The following MYO10 variants were observed in gnomAD, a reference collection of about 807,000 sequenced individuals.
MYO10 encodes the protein myosin X.
In MYO10, 133 loss-of-function variants were observed where a neutral mutation model predicts 257.3. The observed-to-expected ratio is 0.52, with a 90% CI of 0.45 to 0.60. The LOEUF is 0.60. MYO10 is among the 20% of genes least tolerant of loss of function. MYO10 has a pLI of 0.00. For synonymous variants in MYO10, 1,104 were observed against 1,028.6 expected, an observed-to-expected ratio of 1.07 and a Z score of -1.40; for missense variants, 2,399 against 2,635.7, an observed-to-expected ratio of 0.91 and a Z score of 1.97.
chr5:16,824,901 C>T (rs1407598973), intron 2 of MYO10, among the ~76,000 whole-genome samples: 1 of 151,980 alleles, frequency 6.6e-6, no homozygotes, highest in Non-Finnish European at 1.5e-5. Context: ...AAAAAACTTT[C>T]AAAAACAATC....
chr5:16,886,794 T>C (rs946472213), intron 1 of MYO10, among the ~76,000 whole-genome samples: 3 of 152,012 alleles, frequency 2.0e-5, no homozygotes, highest in Admixed American at 1.3e-4. Context: ...TAGCTGGATG[T>C]GGTGGCACGG....
chr5:16,788,297 A>T (rs2126675676), intron 4 of MYO10, among the ~76,000 whole-genome samples: 1 of 151,756 alleles, frequency 6.6e-6, no homozygotes, highest in Non-Finnish European at 1.5e-5. Flanking sequence ...ATCAGGGATG[A>T]CTCCTGGGGC....
rs1449526262 is a variant in MYO10 at position 16,877,610 on chromosome 5, T to G, written c.119A>C (p.Gln40Pro). ...GAAGCTGCAGGGACTTGTTCTCACC[T>G]GACCATAGTCTGTCCGGAAGACGAC... ...GIVVFRTDYG[Q>P]VFTYKQSTIT... is the part of the protein sequence containing the mutation. The change falls in exon 2 of 41, where the codon CAG (glutamine) becomes CCG (proline). Residue 40 changes from glutamine (Q) to proline (P), a missense_variant and splice_region_variant. Coordinates refer to ENST00000513610, the MANE Select transcript of MYO10 (RefSeq NM_012334.3). 6.2e-7 allele frequency: 1 copy of G among 1,611,272 alleles called. No homozygotes were observed. The highest frequency in any genetic ancestry group is 2.2e-5 in the East Asian group (1 of 44,880).
intron 19 of MYO10, among the ~76,000 whole-genome samples, chr5:16,726,659 C>T (rs1329880103): frequency 2.0e-5 from 3 of 152,144 alleles, no homozygotes; most frequent in Admixed American, 6.5e-5. Flanking sequence ...GTAGTTCCAA[C>T]GTATTCATTA....
intron 2 of MYO10, among the ~76,000 whole-genome samples, chr5:16,829,636 G>A (rs558621260): frequency 2.2e-4 from 34 of 152,280 alleles, no homozygotes; most frequent in African/African-American, 7.5e-4. Flanking sequence ...TGACAGCGCC[G>A]CAGGGCTGCA....
Position 16,769,332 on chromosome 5 carries a change from C to A in MYO10, c.931-129G>T, listed in dbSNP as rs1033180497. The A allele has an allele frequency of 9.7e-6, 10 of 1,035,898 alleles. No homozygotes were observed. In the African/African-American group the frequency reaches 1.3e-4, roughly 14 times the overall value. The allele number at this position is 1,035,898 out of a possible 1,614,324, so 64.2% of individuals were successfully genotyped here. On this transcript the variant is annotated intron_variant, in intron 9 of 40. Transcript: ENST00000513610. Reference sequence around the variant, plus strand: ...AAAGAAACAAAAAATAGATGCATAACCACTCACTTGTTTTTTTGTTTTGAG... The same window carrying A: ...AAAGAAACAAAAAATAGATGCATAAACACTCACTTGTTTTTTTGTTTTGAG...
chr5:16,761,275 G>C (rs1393090538), intron 17 of MYO10, among the ~76,000 whole-genome samples, 189 bp downstream of exon 17: 1 of 152,188 alleles, frequency 6.6e-6, no homozygotes, highest in Non-Finnish European at 1.5e-5. Flanking sequence ...ACAGGCGTGA[G>C]CCACCATGCC....
At chr5:16,724,809 AC>A (rs1739290659) in intron 19 of MYO10, among the ~76,000 whole-genome samples, 1 of 152,204 alleles carries the variant, frequency 6.6e-6, no homozygotes, top group Non-Finnish European at 1.5e-5. Context: ...ACATACATAT[AC>A]AAAAAAGCAT....
At chr5:16,735,603 G>A (rs1051295470) in intron 19 of MYO10, among the ~76,000 whole-genome samples, 2 of 151,596 alleles carry the variant, frequency 1.3e-5, no homozygotes, top group Non-Finnish European at 2.9e-5. Flanking sequence ...CTACATGGGA[G>A]GACTGTTTGA....
chr5:16,699,811 A>G (rs1395622207), intron 25 of MYO10, among the ~76,000 whole-genome samples: 4 of 140,492 alleles, frequency 2.8e-5, no homozygotes, highest in Admixed American at 6.9e-5. Context: ...AAAAAAAGGG[A>G]AAAGGAAAAA....
At chr5:16,924,830 CT>C (rs35010705) in intron 1 of MYO10, among the ~76,000 whole-genome samples, 74 of 124,352 alleles carry the variant, frequency 6.0e-4, no homozygotes, top group Middle Eastern at 4.5e-3. Flanking sequence ...CACTTTATCA[CT>C]TTTTTTTTTT....
Position 16,719,761 on chromosome 5 carries a change from C to T in MYO10, c.1930-8516G>A, listed in dbSNP as rs558628383. 1.1e-4 allele frequency among the ~76,000 whole-genome samples: 17 copies of T among 152,150 alleles called. 1 individual carries two copies. The highest frequency in any genetic ancestry group is 8.5e-4 in the Admixed American group (13 of 15,280). On this transcript the variant is annotated intron_variant, in intron 19 of 40. Transcript: ENST00000513610. ...GGTGGATCACCAGAGGTCAGGAGTT[C>T]GAGACCAGCCTGACCAACATGGAGA...
At chr5:16,718,810 C>G (rs1739017425) in intron 19 of MYO10, among the ~76,000 whole-genome samples, 1 of 152,086 alleles carries the variant, frequency 6.6e-6, no homozygotes, top group African/African-American at 2.4e-5. Context: ...CACTCTGTAT[C>G]TAGCTGCTCT....
intron 1 of MYO10, among the ~76,000 whole-genome samples, chr5:16,887,569 A>G (rs2625167): frequency 6.6e-6 from 1 of 151,872 alleles, no homozygotes; most frequent in Non-Finnish European, 1.5e-5. Context: ...CGGCTTACTG[A>G]AATCTCTGCC....
At chr5:16,671,101 T>A in intron 38 of MYO10, 123 bp from the exon 39 acceptor site, 1 of 950,186 alleles carries the variant, frequency 1.1e-6, no homozygotes, top group Non-Finnish European at 1.6e-6. Context: ...CTGCCCTGGC[T>A]AAAACTGTAC....
At chr5:16,719,790 C>T (rs895271052) in intron 19 of MYO10, among the ~76,000 whole-genome samples, 1 of 151,912 alleles carries the variant, frequency 6.6e-6, no homozygotes, top group Non-Finnish European at 1.5e-5. Flanking sequence ...ATGGAGAAAC[C>T]CCATCTCTAC....
chr5:16,663,376 C>A lies in MYO10; in HGVS notation c.*3316G>T, dbSNP rs1289967728. 1 of 90,842 alleles carries A rather than the reference C, an allele frequency of 1.1e-5. No homozygotes were observed. The highest frequency in any genetic ancestry group is 4.0e-4 in the South Asian group (1 of 2,512). 5.6% of individuals were successfully genotyped at this position (90,842 alleles called of 1,614,324 possible). A position where few individuals can be genotyped will look rare whatever the true frequency, so the allele number is the denominator to read the frequency against. On this transcript the variant is annotated 3_prime_UTR_variant, in exon 41 of 41. Transcript: ENST00000513610. ...TTTTTTTTTTTTTTTTTACAAATCACCTATATGTATTAGCTTTCAAAAGAT... is the reference window on the plus strand; with the variant it reads ...TTTTTTTTTTTTTTTTTACAAATCAACTATATGTATTAGCTTTCAAAAGAT...
At position 16,791,164 on chromosome 5, in the gene MYO10, G is replaced by T. The variant is rs568718359; in HGVS notation, c.467+3482C>A. 3.3e-5 allele frequency among the ~76,000 whole-genome samples: 5 copies of T among 152,106 alleles called. No homozygotes were observed. The East Asian group carries it at 9.7e-4, about 29-fold the overall frequency. On this transcript the variant is annotated intron_variant, in intron 4 of 40. Transcript: ENST00000513610. ...TATGAAGTCCTATATAATTCAAACA[G>T]GCTTATTTTCTCAAGCATGAGAATG...
chr5:16,813,005 G>C (rs1024603215), intron 3 of MYO10, among the ~76,000 whole-genome samples: 2 of 150,896 alleles, frequency 1.3e-5, no homozygotes, highest in Non-Finnish European at 2.9e-5. Flanking sequence ...TATTTTCCTG[G>C]TTTCTGACAA....
Sources: gnomAD v4.1 joint callset for allele counts (sites outside exome capture counted in the v4.1 genomes callset) on GRCh38, gnomAD v4.1.1 for gene constraint, MANE v1.5 for transcripts, NCBI Gene and HGNC (gene_info 2026-07-23, HGNC 2026-07-21) for gene names.